The following EIF4G3 variants were observed in gnomAD, a reference collection of about 807,000 sequenced individuals.
EIF4G3 encodes eIF-4-gamma 3.
Under a neutral mutation model 186.4 loss-of-function variants are expected in EIF4G3, and 34 were observed. The ratio of observed to expected loss-of-function variants is 0.18; its 90% CI spans 0.14 to 0.24. The LOEUF is 0.24. Among genes scored for constraint, EIF4G3 ranks in the 10% least tolerant of loss-of-function variants. The pLI, the probability that EIF4G3 is intolerant of heterozygous loss-of-function variation, is 1.00. For synonymous variants in EIF4G3, 673 were observed against 679.5 expected, an observed-to-expected ratio of 0.99 and a Z score of 0.15; for missense variants, 1,536 against 1,948.5, an observed-to-expected ratio of 0.79 and a Z score of 3.99.
At chr1:21,060,108 TG>T (rs2094809909) in intron 3 of EIF4G3, among the ~76,000 whole-genome samples, 2 of 152,198 alleles carry the variant, frequency 1.3e-5, no homozygotes, top group South Asian at 2.1e-4. Context: ...TGCACTACCA[TG>T]CCCGGCTAAT....
chr1:21,042,774 G>A (rs1334299305), intron 4 of EIF4G3, among the ~76,000 whole-genome samples: 1 of 152,152 alleles, frequency 6.6e-6, no homozygotes, highest in African/African-American at 2.4e-5. Context: ...AACACGCTCT[G>A]AATCACATAT....
At chr1:20,926,310 A>C (rs899588500) in intron 14 of EIF4G3, among the ~76,000 whole-genome samples, 1 of 152,160 alleles carries the variant, frequency 6.6e-6, no homozygotes, top group Admixed American at 6.6e-5. Flanking sequence ...TAAGGATAAG[A>C]GTTGTTGTGA....
At chr1:20,808,220 T>A (rs1303706623) in intron 36 of EIF4G3, among the ~76,000 whole-genome samples, 2 of 152,164 alleles carry the variant, frequency 1.3e-5, no homozygotes, top group African/African-American at 2.4e-5. Context: ...TGAAGCTGTT[T>A]CATATCATGT....
intron 18 of EIF4G3, 106 bp downstream of exon 18, chr1:20,893,411 C>T (rs2086809488): frequency 3.3e-6 from 4 of 1,209,104 alleles, no homozygotes; most frequent in African/African-American, 1.5e-5. Flanking sequence ...TCTTCTTCTT[C>T]TTGACTAGAA....
At chr1:20,975,244 C>T (rs570445164) in intron 10 of EIF4G3, among the ~76,000 whole-genome samples, 1 of 152,174 alleles carries the variant, frequency 6.6e-6, no homozygotes, top group Admixed American at 6.5e-5. Context: ...ATGTCACTGG[C>T]TCAGAAATTA....
At chr1:20,964,376 A>G (rs1457202174) in intron 12 of EIF4G3, among the ~76,000 whole-genome samples, 4 of 152,244 alleles carry the variant, frequency 2.6e-5, no homozygotes, top group Admixed American at 6.5e-5. Flanking sequence ...TCCTCTGTGC[A>G]TATACAGGGA....
chr1:20,883,779 G>T (rs570118099), intron 19 of EIF4G3, among the ~76,000 whole-genome samples: 2 of 152,168 alleles, frequency 1.3e-5, no homozygotes, highest in Non-Finnish European at 2.9e-5. Context: ...CTTGCTAATT[G>T]AGAGAACAAG....
chr1:21,063,716 G>GT (rs2095064006), intron 3 of EIF4G3, among the ~76,000 whole-genome samples: 1 of 7,132 alleles, frequency 1.4e-4, no homozygotes, highest in African/African-American at 3.2e-4. Context: ...GGGGGGGGGG[G>GT]TGTTGGGGGG....
intron 2 of EIF4G3, among the ~76,000 whole-genome samples, chr1:21,143,698 C>G (rs186608323): frequency 2.6e-5 from 4 of 152,246 alleles, no homozygotes; most frequent in Admixed American, 1.3e-4. Flanking sequence ...GTGGGCAAAT[C>G]ACTTGAGGCC....
chr1:20,891,443 T>A (rs1393302655), intron 18 of EIF4G3, among the ~76,000 whole-genome samples: 1 of 151,504 alleles, frequency 6.6e-6, no homozygotes, highest in African/African-American at 2.4e-5. Flanking sequence ...CAAATAAAAA[T>A]TTCAACATTA....
intron 7 of EIF4G3, chr1:20,988,334 A>C (rs1404556045): frequency 5.9e-6 from 1 of 170,270 alleles, no homozygotes; most frequent in Non-Finnish European, 1.5e-5. Context: ...ATCTATTGAA[A>C]CAAGATGTCA....
chr1:21,141,325 T>C (rs1382465915), intron 2 of EIF4G3, among the ~76,000 whole-genome samples: 2 of 151,990 alleles, frequency 1.3e-5, no homozygotes, highest in African/African-American at 2.4e-5. Flanking sequence ...TGGGATAGCA[T>C]GTGTGTTTGA....
intron 2 of EIF4G3, among the ~76,000 whole-genome samples, chr1:21,161,201 G>A (rs967923795): frequency 9.9e-5 from 15 of 151,588 alleles, no homozygotes; most frequent in African/African-American, 2.9e-4. Flanking sequence ...TTGACTGAGC[G>A]TTGGTTGAAA....
chr1:20,936,742 G>C (rs531557434), intron 14 of EIF4G3, among the ~76,000 whole-genome samples: 10 of 152,100 alleles, frequency 6.6e-5, no homozygotes, highest in Non-Finnish European at 8.8e-5. Context: ...AATAAAGCAA[G>C]GGTTGTTATT....
intron 4 of EIF4G3, among the ~76,000 whole-genome samples, chr1:21,028,608 T>C (rs2092417454): frequency 6.6e-6 from 1 of 152,240 alleles, no homozygotes; most frequent in African/African-American, 2.4e-5. Flanking sequence ...TATACTTTTA[T>C]AAGCTTAAAC....
At chr1:20,975,380 A>AAAAAAC (rs1000641770) in intron 10 of EIF4G3, among the ~76,000 whole-genome samples, 1 of 151,202 alleles carries the variant, frequency 6.6e-6, no homozygotes, top group African/African-American at 2.4e-5. Flanking sequence ...TAAAAAAAAC[A>AAAAAAC]AAAAACAAAA....
chr1:21,116,850 A>C (rs1478013232), intron 2 of EIF4G3, among the ~76,000 whole-genome samples: 2 of 151,892 alleles, frequency 1.3e-5, no homozygotes, highest in African/African-American at 4.8e-5. Context: ...AAAAAAAAAA[A>C]AAAAGCAAAT....
intron 3 of EIF4G3, among the ~76,000 whole-genome samples, chr1:21,076,113 T>C (rs892280986): frequency 4.6e-5 from 7 of 152,040 alleles, no homozygotes; most frequent in Non-Finnish European, 1.0e-4. Flanking sequence ...TCTCAGCAAA[T>C]TTAAAAGAAA....
At chr1:21,078,390 T>TA (rs141317831) in intron 3 of EIF4G3, among the ~76,000 whole-genome samples, 4,164 of 151,510 alleles carry the variant, frequency 0.027, 85 homozygotes, top group Non-Finnish European at 0.038. Flanking sequence ...ATGTGGGAGT[T>TA]AAAAAAAAAT....
Sources: gnomAD v4.1 joint callset for allele counts (sites outside exome capture counted in the v4.1 genomes callset) on GRCh38, gnomAD v4.1.1 for gene constraint, MANE v1.5 for transcripts, NCBI Gene and HGNC (gene_info 2026-07-23, HGNC 2026-07-21) for gene names.